Variants in RNF217 observed in about 807,000 individuals in gnomAD.
RNF217 encodes the protein E3 ubiquitin-protein ligase RNF217.
In RNF217, 31 loss-of-function variants were observed where a neutral mutation model predicts 57.8. That is an observed-to-expected ratio of 0.54 (90% confidence interval 0.40 to 0.72). RNF217 has a LOEUF of 0.72. RNF217 is among the 30% of genes least tolerant of loss of function. The pLI is 0.00. For synonymous variants in RNF217, 313 were observed against 294.0 expected (o/e 1.06, Z -0.66); for missense variants, 696 against 708.3 (o/e 0.98, Z 0.20).
chr6:125,072,744 G>A (rs1178154400), intron 3 of RNF217, among the ~76,000 whole-genome samples: 1 of 152,214 alleles, frequency 6.6e-6, no homozygotes, highest in Non-Finnish European at 1.5e-5. Flanking sequence ...GATATACCTT[G>A]TGGAGGGAGA....
chr6:125,078,391 G>T (rs1015415979), intron 4 of RNF217, among the ~76,000 whole-genome samples: 3 of 152,156 alleles, frequency 2.0e-5, no homozygotes, highest in African/African-American at 7.2e-5. Flanking sequence ...GGTCGTGGCA[G>T]TGTGTTTCCG....
chr6:125,009,626 C>T (rs1430469355), intron 1 of RNF217: 3 of 223,546 alleles, frequency 1.3e-5, no homozygotes, highest in Non-Finnish European at 1.7e-5. Context: ...CCCTTTCTCC[C>T]TCCTGCCCTT....
At chr6:125,009,468 A>C in intron 1 of RNF217, 1 of 469,076 alleles carries the variant, frequency 2.1e-6, no homozygotes, top group Non-Finnish European at 3.8e-6. Context: ...GAATGTAAGA[A>C]GGCAGAAAAA....
rs952979743 is a variant in RNF217 at position 125,091,956 on chromosome 6, T to C, written c.*9019T>C. The C allele has an allele frequency of 2.6e-5, 4 of 152,212 alleles. No individual in the cohort carries two copies. Among genetic ancestry groups the C allele is most frequent in the African/African-American group, 9.6e-5 (4 of 41,454 alleles). 9.4% of individuals were successfully genotyped at this position (152,212 alleles called of 1,614,324 possible). ...GGTTTGTTATATTCTTTATGTATCA[T>C]AATATATAATTCAACTTTTCCTGAT... is the stretch of plus-strand genomic sequence containing the variant. On this transcript the variant is annotated 3_prime_UTR_variant, in exon 6 of 6. Coordinates refer to ENST00000521654, the MANE Select transcript of RNF217 (RefSeq NM_001286398.3).
chr6:125,080,140 A>T (rs1788521373), intron 4 of RNF217, among the ~76,000 whole-genome samples: 1 of 152,126 alleles, frequency 6.6e-6, no homozygotes, highest in Admixed American at 6.6e-5. Context: ...TAGGAGAAAA[A>T]CACATTCTTT....
At chr6:125,046,237 G>C (rs72969682) in intron 2 of RNF217, among the ~76,000 whole-genome samples, 2 of 151,968 alleles carry the variant, frequency 1.3e-5, no homozygotes, top group African/African-American at 4.8e-5. Flanking sequence ...GCAGCTGATC[G>C]GGCAGATAAG....
intron 2 of RNF217, among the ~76,000 whole-genome samples, chr6:125,052,124 T>G (rs1449466278): frequency 6.6e-6 from 1 of 152,000 alleles, no homozygotes; most frequent in Non-Finnish European, 1.5e-5. Flanking sequence ...AAGAAAAGTA[T>G]GAGTCCAGCT....
chr6:125,070,123 A>T (rs1355848574), intron 3 of RNF217, among the ~76,000 whole-genome samples: 1 of 152,082 alleles, frequency 6.6e-6, no homozygotes, highest in Non-Finnish European at 1.5e-5. Flanking sequence ...TCCATTCCTG[A>T]GTTACTTCAC....
At chr6:124,997,899 ACCGCTTGAACTGT>A (rs1448895111) in intron 1 of RNF217, among the ~76,000 whole-genome samples, 1 of 152,024 alleles carries the variant, frequency 6.6e-6, no homozygotes, top group Admixed American at 6.6e-5. Flanking sequence ...TACTGATCCC[ACCGCTTGAACTGT>A]CCTTACCTGT....
intron 2 of RNF217, among the ~76,000 whole-genome samples, chr6:125,052,487 A>G (rs1344935604): frequency 6.6e-6 from 1 of 152,034 alleles, no homozygotes; most frequent in African/African-American, 2.4e-5. Context: ...GCAGTGCCTC[A>G]TGAAGACTGT....
At position 125,076,503 on chromosome 6, in the gene RNF217, G is replaced by C. The variant is rs559416299; in HGVS notation, c.1282-154G>C. ...TATTTGGTAAAAGGATAATCTTGGAGGGTATGATTATAAGCAAATTCACAG... is the reference window on the plus strand; with the variant it reads ...TATTTGGTAAAAGGATAATCTTGGACGGTATGATTATAAGCAAATTCACAG... On this transcript the variant is annotated intron_variant, in intron 3 of 5. Transcript: ENST00000521654. Among the ~76,000 whole-genome samples the C allele has an allele frequency of 2.0e-5, 3 of 152,278 alleles. No homozygotes were observed. In the East Asian group the frequency reaches 5.8e-4, roughly 29 times the overall value.
chr6:124,978,759 A>G (rs1334465884), intron 1 of RNF217, among the ~76,000 whole-genome samples: 1 of 152,186 alleles, frequency 6.6e-6, no homozygotes. Context: ...CACTGCCCAC[A>G]GCTTGGCAAG....
intron 1 of RNF217, among the ~76,000 whole-genome samples, chr6:125,005,202 A>G (rs1199948712): frequency 6.6e-6 from 1 of 152,140 alleles, no homozygotes; most frequent in Non-Finnish European, 1.5e-5. Context: ...TCAAACCATA[A>G]CAGGCCTGTA....
Position 125,071,530 on chromosome 6 carries a change from G to GTA in RNF217, c.1282-5126_1282-5125insAT, listed in dbSNP as rs1178633581. Reference sequence around the variant, plus strand: ...TGTGTGTGTGTGTGTGTGTGTGTGTGTGTGTGTATATCTTATTACAGGTTT... The same window carrying GTA: ...TGTGTGTGTGTGTGTGTGTGTGTGTGTATGTGTGTATATCTTATTACAGGTTT... On this transcript the variant is annotated intron_variant, in intron 3 of 5. Transcript: ENST00000521654. Among the ~76,000 whole-genome samples, 15 of 130,280 alleles carry GTA rather than the reference G, an allele frequency of 1.2e-4. 1 individual carries two copies. The highest frequency in any genetic ancestry group is 4.6e-4 in the South Asian group (2 of 4,314). The allele number at this position is 130,280 out of a possible 152,430, so 85.5% of individuals were successfully genotyped here. A position where few individuals can be genotyped will look rare whatever the true frequency, so the allele number is the denominator to read the frequency against.
intron 3 of RNF217, among the ~76,000 whole-genome samples, chr6:125,067,357 T>C (rs1302921722): frequency 6.6e-6 from 1 of 152,154 alleles, no homozygotes; most frequent in African/African-American, 2.4e-5. Context: ...CAGATTTATA[T>C]TTTAGGTTGG....
At position 125,045,370 on chromosome 6, in the gene RNF217, C is replaced by T; in HGVS notation, c.1042C>T (p.Gln348Ter). The change falls in exon 2 of 6, where the codon CAG becomes TAG. Residue 348 changes from glutamine (Q) to a stop codon, truncating the protein, a stop_gained. Coordinates refer to ENST00000521654, the MANE Select transcript of RNF217 (RefSeq NM_001286398.3). LOFTEE classifies it high-confidence loss of function. ...TGATTCCAGCACCAAGCCATGTCCT[C>T]AGTGCAAGCACTTTACAACCTTCAA... ...RIDSSTKPCPQCKHFTTFKKK... is the reference protein window; with the variant it reads ...RIDSSTKPCP 6.2e-7 allele frequency: 1 copy of T among 1,613,466 alleles called. No homozygotes were observed. The highest frequency in any genetic ancestry group is 1.1e-5 in the South Asian group (1 of 91,070).
rs1788571718 is a variant in RNF217, at chr6:125,081,495, G to A, written c.1543G>A (p.Ala515Thr). Residue 515 changes from alanine to threonine, a missense_variant, in exon 5 of 6, where the codon GCG (alanine) becomes ACG (threonine). Around this residue, in one of 2 missense-constraint regions of RNF217, gnomAD observed 231 missense variants for 321.4 expected, o/e 0.72. Coordinates refer to ENST00000521654, the MANE Select transcript of RNF217 (RefSeq NM_001286398.3). Reference sequence around the variant, plus strand: ...TTTGGGATTGGCACTAGGGGCCATAGCGGTTGTAATCGGTAAGAAACACTT... The same window carrying A: ...TTTGGGATTGGCACTAGGGGCCATAACGGTTGTAATCGGTAAGAAACACTT... The part of the protein sequence containing the change: ...MVLGLALGAI[A>T]VVIGLFVFPI... The A allele has an allele frequency of 6.2e-7, 1 of 1,610,850 alleles. No homozygotes were observed. Among genetic ancestry groups the A allele is most frequent in the African/African-American group, 1.3e-5 (1 of 74,792 alleles).
At chr6:125,075,973 A>C (rs974230313) in intron 3 of RNF217, among the ~76,000 whole-genome samples, 2 of 152,064 alleles carry the variant, frequency 1.3e-5, no homozygotes, top group African/African-American at 4.8e-5. Context: ...ATATATATGT[A>C]TATATGGTGA....
intron 1 of RNF217, among the ~76,000 whole-genome samples, chr6:124,976,462 G>T (rs569587113): frequency 1.3e-5 from 2 of 151,646 alleles, no homozygotes; most frequent in Admixed American, 6.6e-5. Context: ...TAGAGATGGG[G>T]TTTCACTATG....
Sources: allele counts gnomAD v4.1 joint callset (sites outside exome capture counted in the v4.1 genomes callset), GRCh38; gene constraint gnomAD v4.1.1; regional missense constraint gnomAD v4.1.1; transcripts MANE v1.5; gene names NCBI Gene and HGNC (gene_info 2026-07-23, HGNC 2026-07-21).